ARGLU1: variants seen among roughly 807,000 people sequenced by gnomAD.
ARGLU1 encodes the protein arginine and glutamate-rich protein 1.
In ARGLU1, 9 loss-of-function variants were observed where a neutral mutation model predicts 37.6. The ratio of observed to expected loss-of-function variants is 0.24; its 90% CI spans 0.14 to 0.42. ARGLU1 has a LOEUF of 0.42. Among genes scored for constraint, ARGLU1 ranks in the 10% least tolerant of loss-of-function variants. The probability of loss-of-function intolerance (pLI) is 1.00; values close to 1 mark genes in which losing one functional copy is unlikely to be tolerated. For missense variants in ARGLU1, 211 were observed against 359.2 expected, an observed-to-expected ratio of 0.59 and a Z score of 3.34; for synonymous variants, 166 against 138.5, an observed-to-expected ratio of 1.20 and a Z score of -1.39.
intron 3 of ARGLU1, among the ~76,000 whole-genome samples, chr13:106,551,890 T>C (rs924928506): frequency 8.5e-5 from 13 of 152,172 alleles, no homozygotes; most frequent in Admixed American, 5.2e-4. Flanking sequence ...TAAGAAAACA[T>C]GTGATGGCAT....
chr13:106,555,312 GAC>G (rs995963656), intron 3 of ARGLU1, among the ~76,000 whole-genome samples: 3 of 152,096 alleles, frequency 2.0e-5, no homozygotes, highest in African/African-American at 7.2e-5. Context: ...AATGACCCGA[GAC>G]TGCGCCATTG....
At chr13:106,562,800 G>C (rs1444274450) in intron 1 of ARGLU1, among the ~76,000 whole-genome samples, 1 of 151,438 alleles carries the variant, frequency 6.6e-6, no homozygotes, top group African/African-American at 2.4e-5. Context: ...GACCATCCTG[G>C]CTAACACGGT....
intron 3 of ARGLU1, among the ~76,000 whole-genome samples, chr13:106,546,562 A>C (rs1231744824): frequency 1.3e-5 from 2 of 152,190 alleles, no homozygotes; most frequent in Non-Finnish European, 2.9e-5. Context: ...ATGAATTCAT[A>C]TGCCAATCAC....
In ARGLU1 at chr13:106,567,225, T is replaced by C. The variant is rs1468408590; in HGVS notation, c.347+348A>G. Among the ~76,000 whole-genome samples the C allele has an allele frequency of 6.6e-6, 1 of 151,942 alleles. No homozygotes were observed. The highest frequency in any genetic ancestry group is 1.5e-5 in the Non-Finnish European group (1 of 67,994). ...CCTCCACATCTGCAGGCCGGCTCGC[T>C]CCCGGCCTCACAAGCCAACGCAGCT... On this transcript the variant is annotated intron_variant, in intron 1 of 3. Transcript: ENST00000400198. This position sits in a 1 kb window ranked among gnomAD's most constrained non-coding sequence, Gnocchi z 4.3.
chr13:106,544,867 CT>C (rs1313944987), intron 3 of ARGLU1, among the ~76,000 whole-genome samples: 1 of 152,182 alleles, frequency 6.6e-6, no homozygotes, highest in African/African-American at 2.4e-5. Flanking sequence ...ACCTGACTAA[CT>C]ATAAAGTGCT....
chr13:106,554,035 T>C lies in ARGLU1; in HGVS notation c.657+3013A>G, dbSNP rs531120258. On this transcript the variant is annotated intron_variant, in intron 3 of 3. Transcript: ENST00000400198. Reference sequence around the variant, plus strand: ...CCTCACACTCTTGTCTACCTCCTAATAGAATTTCCACCTACCCATCAGGGC... The same window carrying C: ...CCTCACACTCTTGTCTACCTCCTAACAGAATTTCCACCTACCCATCAGGGC... Among the ~76,000 whole-genome samples, 16 of 152,276 alleles carry C rather than the reference T, an allele frequency of 1.1e-4. No individual in the cohort carries two copies. In the South Asian group the frequency reaches 1.5e-3, roughly 14 times the overall value.
At chr13:106,547,436 G>C (rs868863250) in intron 3 of ARGLU1, among the ~76,000 whole-genome samples, 1 of 152,118 alleles carries the variant, frequency 6.6e-6, no homozygotes. Context: ...ACAGTTTATA[G>C]AAAGAAAAGA....
At chr13:106,551,483 AAC>A (rs763444561) in intron 3 of ARGLU1, among the ~76,000 whole-genome samples, 1 of 152,206 alleles carries the variant, frequency 6.6e-6, no homozygotes, top group African/African-American at 2.4e-5. Flanking sequence ...TATTTTTGCC[AAC>A]AGTCTTTAAA....
chr13:106,547,128 T>C (rs1218769555), intron 3 of ARGLU1, among the ~76,000 whole-genome samples: 2 of 152,204 alleles, frequency 1.3e-5, no homozygotes, highest in Non-Finnish European at 2.9e-5. Context: ...GCTCGCCATG[T>C]GATGCCTTCC....
intron 1 of ARGLU1, among the ~76,000 whole-genome samples, chr13:106,563,009 CAA>C (rs71809659): frequency 1.3e-3 from 120 of 94,428 alleles, no homozygotes; most frequent in African/African-American, 4.0e-3. Context: ...AAAAAAAAAA[CAA>C]AAAAAAAAAC....
In ARGLU1 at chr13:106,567,741, G is replaced by T; in HGVS notation, c.179C>A (p.Ser60Tyr). 1 of 1,612,006 alleles carries T rather than the reference G, an allele frequency of 6.2e-7. No homozygotes were observed. Among genetic ancestry groups the T allele is most frequent in the Non-Finnish European group, 8.5e-7 (1 of 1,179,190 alleles). ...GCGCCGGGACACGGCCGTGTTGGTG[G>T]AGCGCGAACGGGACCGCGACTCCCG... ...RRRESRSRSR[S>Y]TNTAVSRRER... Residue 60 changes from serine to tyrosine, a missense_variant, in exon 1 of 4, where the codon TCC becomes TAC. By Grantham distance (144) the Ser-to-Tyr change is moderately radical. Coordinates refer to ENST00000400198, the MANE Select transcript of ARGLU1 (RefSeq NM_018011.4). This position sits in a 1 kb window ranked among gnomAD's most constrained non-coding sequence, Gnocchi z 4.3.
intron 1 of ARGLU1, among the ~76,000 whole-genome samples, chr13:106,566,521 C>A (rs1303060909): frequency 6.6e-6 from 1 of 152,196 alleles, no homozygotes. Context: ...TAGGACTGTT[C>A]AAATCTACTT....
intron 1 of ARGLU1, among the ~76,000 whole-genome samples, chr13:106,565,331 A>G (rs551045697): frequency 7.2e-5 from 11 of 152,272 alleles, no homozygotes; most frequent in African/African-American, 2.2e-4. Context: ...GAGTCGGGGG[A>G]GGAGGCTCTT....
At chr13:106,564,738 G>A (rs1001319237) in intron 1 of ARGLU1, among the ~76,000 whole-genome samples, 2 of 152,148 alleles carry the variant, frequency 1.3e-5, no homozygotes, top group African/African-American at 2.4e-5. Flanking sequence ...CTCTCAGCTA[G>A]GCTTCAGTCT....
In ARGLU1 at chr13:106,541,816, G is replaced by T. The variant is rs945777079; in HGVS notation, c.*2180C>A. On this transcript the variant is annotated 3_prime_UTR_variant, in exon 4 of 4. Transcript: ENST00000400198. ...CCTAAAAAAACAAATTGTGAATAAA[G>T]GCATATTTAATAAATTAGGGAACAT... 1.3e-5 allele frequency: 2 copies of T among 151,934 alleles called. No homozygotes were observed. The highest frequency in any genetic ancestry group is 2.9e-5 in the Non-Finnish European group (2 of 67,990). The allele number at this position is 151,934 out of a possible 1,614,324, so 9.4% of individuals were successfully genotyped here.
rs201253403 is a variant in ARGLU1, at chr13:106,543,842, A to G, written c.*154T>C. The stretch of plus-strand genomic sequence containing the variant: ...AGTGGAAGGAAAAAAAAAAAAAAAA[A>G]GGGAATTGCAGAGCATAGCCCCTAT... On this transcript the variant is annotated 3_prime_UTR_variant, in exon 4 of 4. Coordinates refer to ENST00000400198, the MANE Select transcript of ARGLU1 (RefSeq NM_018011.4). 8.5e-5 allele frequency: 46 copies of G among 542,454 alleles called. No homozygotes were observed. Among genetic ancestry groups the G allele is most frequent in the Non-Finnish European group, 1.2e-4 (40 of 331,770 alleles). 33.6% of individuals were successfully genotyped at this position (542,454 alleles called of 1,614,324 possible). A position where few individuals can be genotyped will look rare whatever the true frequency, so the allele number is the denominator to read the frequency against.
intron 3 of ARGLU1, 49 bp downstream of exon 3, chr13:106,556,999 G>A (rs1188423095): frequency 6.6e-7 from 1 of 1,512,938 alleles, no homozygotes; most frequent in African/African-American, 1.4e-5. Context: ...TCCGAAAAAA[G>A]GAAATAAAGC....
intron 1 of ARGLU1, among the ~76,000 whole-genome samples, chr13:106,563,950 C>T (rs1880886969): frequency 6.6e-6 from 1 of 152,186 alleles, no homozygotes; most frequent in Admixed American, 6.5e-5. Context: ...TCCTGATTTG[C>T]TGCAAGTTAT....
At chr13:106,565,923 C>A (rs1880950538) in intron 1 of ARGLU1, among the ~76,000 whole-genome samples, 1 of 152,160 alleles carries the variant, frequency 6.6e-6, no homozygotes, top group African/African-American at 2.4e-5. Flanking sequence ...TCTTTGCATA[C>A]CAAGTTTCTT....
Sources: allele counts gnomAD v4.1 joint callset (sites outside exome capture counted in the v4.1 genomes callset), GRCh38; gene constraint gnomAD v4.1.1; non-coding constraint Gnocchi (gnomAD v3.1); transcripts MANE v1.5; gene names NCBI Gene and HGNC (gene_info 2026-07-23, HGNC 2026-07-21).